Variants in MOB3B observed in about 807,000 individuals in gnomAD.
MOB3B encodes MOB kinase activator-like 2B.
MOB3B carries 7 observed loss-of-function variants against 18.7 expected under a neutral mutation model. That is an observed-to-expected ratio of 0.37 (90% CI 0.21 to 0.70). The LOEUF is 0.70. Ranked by LOEUF, MOB3B falls within the 30% of genes least tolerant of loss-of-function variation. The probability of loss-of-function intolerance (pLI) is 0.52; values close to 1 mark genes in which losing one functional copy is unlikely to be tolerated. For synonymous variants in MOB3B, 111 were observed against 99.9 expected (o/e 1.11, Z -0.66); for missense variants, 253 against 281.3 (o/e 0.90, Z 0.72).
chr9:27,367,450 C>T (rs1260801978), intron 2 of MOB3B, among the ~76,000 whole-genome samples: 12 of 152,224 alleles, frequency 7.9e-5, no homozygotes. Flanking sequence ...GTTTAGGACA[C>T]TGGTGAAACG....
At chr9:27,477,070 A>G (rs1563878123) in intron 1 of MOB3B, among the ~76,000 whole-genome samples, 2 of 152,294 alleles carry the variant, frequency 1.3e-5, no homozygotes, top group Non-Finnish European at 2.9e-5. Context: ...GCTCACTCCT[A>G]CTTTCCCTCA....
intron 2 of MOB3B, among the ~76,000 whole-genome samples, chr9:27,409,018 C>A (rs1022741378): frequency 6.6e-6 from 1 of 152,194 alleles, no homozygotes; most frequent in African/African-American, 2.4e-5. Context: ...TGTACAAGTA[C>A]CCTGTGGGTG....
At chr9:27,357,780 G>A (rs1053258915) in intron 3 of MOB3B, among the ~76,000 whole-genome samples, 1 of 151,148 alleles carries the variant, frequency 6.6e-6, no homozygotes, top group Non-Finnish European at 1.5e-5. Flanking sequence ...GGCCAGGCAT[G>A]GTGGCTCACA....
intron 1 of MOB3B, among the ~76,000 whole-genome samples, chr9:27,494,933 G>A (rs951971521): frequency 3.9e-5 from 6 of 152,210 alleles, no homozygotes; most frequent in African/African-American, 1.4e-4. Context: ...CAACAGGTCT[G>A]GTTCAGGTGA....
At chr9:27,405,773 T>C (rs1190515377) in intron 2 of MOB3B, among the ~76,000 whole-genome samples, 3 of 152,152 alleles carry the variant, frequency 2.0e-5, no homozygotes, top group Non-Finnish European at 2.9e-5. Context: ...TAATTCAACA[T>C]ATGCAAATCA....
intron 3 of MOB3B, among the ~76,000 whole-genome samples, chr9:27,352,424 T>C (rs1433939574): frequency 6.6e-6 from 1 of 150,836 alleles, no homozygotes; most frequent in Non-Finnish European, 1.5e-5. Context: ...ATAATATATG[T>C]CAAGAGGAAC....
chr9:27,478,911 A>C (rs2131474961), intron 1 of MOB3B, among the ~76,000 whole-genome samples: 1 of 151,948 alleles, frequency 6.6e-6, no homozygotes, highest in East Asian at 1.9e-4. Flanking sequence ...ACCAGAGAGA[A>C]AAAGATAAAT....
intron 1 of MOB3B, among the ~76,000 whole-genome samples, chr9:27,498,561 G>C (rs1032783808): frequency 6.6e-6 from 1 of 152,150 alleles, no homozygotes; most frequent in Non-Finnish European, 1.5e-5. Context: ...CAGTACCCTA[G>C]GTTTTGTTCA....
intron 2 of MOB3B, among the ~76,000 whole-genome samples, chr9:27,430,928 G>GAA (rs879750135): frequency 2.3e-3 from 295 of 127,364 alleles, no homozygotes; most frequent in African/African-American, 7.1e-3. Flanking sequence ...GCCTGCTTGG[G>GAA]AAAAAAAAAA....
intron 1 of MOB3B, among the ~76,000 whole-genome samples, chr9:27,470,471 C>G (rs1047433215): frequency 6.6e-6 from 1 of 152,116 alleles, no homozygotes; most frequent in Non-Finnish European, 1.5e-5. Flanking sequence ...TTTTGCCTTC[C>G]GCCTGCCATA....
chr9:27,504,014 G>T (rs1463258867), intron 1 of MOB3B, among the ~76,000 whole-genome samples: 1 of 152,238 alleles, frequency 6.6e-6, no homozygotes. Flanking sequence ...GCCATAAGCA[G>T]TCCCTAATGA....
intron 1 of MOB3B, chr9:27,525,035 A>G (rs908590577): frequency 7.9e-7 from 1 of 1,273,698 alleles, no homozygotes; most frequent in African/African-American, 1.5e-5. Flanking sequence ...CTTCTTTTTA[A>G]GGATTGTTGT....
At chr9:27,436,640 G>T (rs949083739) in intron 2 of MOB3B, among the ~76,000 whole-genome samples, 3 of 152,182 alleles carry the variant, frequency 2.0e-5, no homozygotes, top group African/African-American at 7.2e-5. Context: ...AAATGGCAAT[G>T]CTTCAGACTT....
intron 2 of MOB3B, among the ~76,000 whole-genome samples, chr9:27,409,750 A>G (rs1019038505): frequency 6.6e-6 from 1 of 152,260 alleles, no homozygotes; most frequent in African/African-American, 2.4e-5. Flanking sequence ...AATATTAATT[A>G]GCCTTAAAAA....
At chr9:27,522,213 G>T (rs901715096) in intron 1 of MOB3B, among the ~76,000 whole-genome samples, 3 of 112,864 alleles carry the variant, frequency 2.7e-5, no homozygotes, top group African/African-American at 1.0e-4. Flanking sequence ...CTGCACTCCA[G>T]CCTGGAGACA....
chr9:27,513,206 C>A (rs3904636), intron 1 of MOB3B, among the ~76,000 whole-genome samples: 4,938 of 152,204 alleles, frequency 0.032, 108 homozygotes, highest in Middle Eastern at 0.065. Flanking sequence ...TTAACCTGAA[C>A]CCAAATATAC....
chr9:27,430,291 A>G (rs899921315), intron 2 of MOB3B, among the ~76,000 whole-genome samples: 1 of 152,152 alleles, frequency 6.6e-6, no homozygotes, highest in Non-Finnish European at 1.5e-5. Flanking sequence ...GCAGCCTCTC[A>G]TGGTCTTTGA....
At chr9:27,352,098 T>C (rs1436275770) in intron 3 of MOB3B, among the ~76,000 whole-genome samples, 1 of 152,032 alleles carries the variant, frequency 6.6e-6, no homozygotes. Flanking sequence ...GAAATAATAG[T>C]AACAAGTCTG....
chr9:27,349,229 T>C (rs1821072535), intron 3 of MOB3B, among the ~76,000 whole-genome samples: 1 of 152,240 alleles, frequency 6.6e-6, no homozygotes, highest in South Asian at 2.1e-4. Flanking sequence ...ATCTGACCTT[T>C]ATGTATAAAA....
Sources: gnomAD v4.1 joint callset for allele counts (sites outside exome capture counted in the v4.1 genomes callset) on GRCh38, gnomAD v4.1.1 for gene constraint, MANE v1.5 for transcripts, NCBI Gene and HGNC (gene_info 2026-07-23, HGNC 2026-07-21) for gene names.